TTC33: variants seen among roughly 807,000 people sequenced by gnomAD.
TTC33 encodes the protein tetratricopeptide repeat domain 33, also known as tetratricopeptide repeat protein 33.
TTC33 carries 24 observed loss-of-function variants against 29.4 expected under a neutral mutation model. That is an observed-to-expected ratio of 0.82 (90% confidence interval 0.59 to 1.15). The LOEUF is 1.15. TTC33 is among the 50% of genes most tolerant of loss of function. The probability of loss-of-function intolerance (pLI) is 0.00; values close to 1 mark genes in which losing one functional copy is unlikely to be tolerated. For synonymous variants in TTC33, 107 were observed against 100.3 expected (o/e 1.07, Z -0.40); for missense variants, 286 against 310.4 (o/e 0.92, Z 0.59).
intron 2 of TTC33, 44 bp from the exon 3 acceptor site, chr5:40,730,387 T>G (rs745433957): frequency 2.6e-6 from 4 of 1,516,036 alleles, no homozygotes; most frequent in Non-Finnish European, 3.6e-6. Flanking sequence ...TTCAATATGC[T>G]TTTTTGGACT....
At position 40,720,554 on chromosome 5, in the gene TTC33, C is replaced by T. The variant is rs1269513242; in HGVS notation, c.436-4056G>A. Among the ~76,000 whole-genome samples, 3 of 152,188 alleles carry T rather than the reference C, an allele frequency of 2.0e-5. No individual in the cohort carries two copies. In the East Asian group the frequency reaches 5.8e-4, roughly 29 times the overall value. The stretch of plus-strand genomic sequence containing the variant: ...GATAGTTTAAAATCTCCCAAGGGCA[C>T]TCCTCTTCAAAGAACTTCACAAAAC... On this transcript the variant is annotated intron_variant, in intron 4 of 4. Transcript: ENST00000337702.
At chr5:40,739,945 A>C (rs973933202) in intron 2 of TTC33, among the ~76,000 whole-genome samples, 1 of 151,936 alleles carries the variant, frequency 6.6e-6, no homozygotes, top group Non-Finnish European at 1.5e-5. Context: ...GCTTTTTTTT[A>C]AAAATAAAGT....
intron 1 of TTC33, among the ~76,000 whole-genome samples, chr5:40,749,654 C>T (rs946706113): frequency 2.6e-5 from 4 of 152,132 alleles, no homozygotes; most frequent in East Asian, 1.9e-4. Context: ...AGTTGTTGCA[C>T]GGTCAGTTCC....
At position 40,740,909 on chromosome 5, in the gene TTC33, G is replaced by A. The variant is rs72747962; in HGVS notation, c.221+5889C>T. ...CAGTATATTTTTTATTTCAGATATC[G>A]TATTTTTCATTTCTAGATGTTCCTT... On this transcript the variant is annotated intron_variant, in intron 2 of 4. Transcript: ENST00000337702. Among the ~76,000 whole-genome samples, 557 of 152,168 alleles carry A rather than the reference G, an allele frequency of 3.7e-3. 5 individuals are homozygous for A. Among genetic ancestry groups the A allele is most frequent in the Non-Finnish European group, 4.0e-3 (269 of 68,010 alleles).
chr5:40,736,151 A>G (rs1030107967), intron 2 of TTC33, among the ~76,000 whole-genome samples: 1 of 152,230 alleles, frequency 6.6e-6, no homozygotes, highest in Non-Finnish European at 1.5e-5. Flanking sequence ...TTTGATAATT[A>G]CAATGGAATG....
intron 4 of TTC33, among the ~76,000 whole-genome samples, chr5:40,724,851 G>A (rs557420057): frequency 1.6e-3 from 224 of 137,230 alleles, no homozygotes; most frequent in African/African-American, 5.8e-3. Context: ...ATTTACAAGT[G>A]GATTTTTTTT....
At chr5:40,717,005 G>T (rs1269862633) in intron 4 of TTC33, among the ~76,000 whole-genome samples, 1 of 152,018 alleles carries the variant, frequency 6.6e-6, no homozygotes, top group Non-Finnish European at 1.5e-5. Flanking sequence ...GAGGTGGGCG[G>T]ATCACCTGAG....
At chr5:40,746,439 T>C (rs115116067) in intron 2 of TTC33, among the ~76,000 whole-genome samples, 91 of 152,286 alleles carry the variant, frequency 6.0e-4, no homozygotes, top group African/African-American at 2.1e-3. Context: ...ATTTACCTGA[T>C]ACATAATGTT....
chr5:40,718,303 G>T (rs1014311914), intron 4 of TTC33, among the ~76,000 whole-genome samples: 12 of 152,156 alleles, frequency 7.9e-5, no homozygotes, highest in African/African-American at 2.9e-4. Context: ...CTACTTAGGA[G>T]GCTGAGGCAG....
At chr5:40,727,354 G>C (rs1477538969) in intron 4 of TTC33, among the ~76,000 whole-genome samples, 2 of 152,124 alleles carry the variant, frequency 1.3e-5, no homozygotes. Flanking sequence ...ACACTTGTTA[G>C]GAAGTTAAAT....
intron 2 of TTC33, among the ~76,000 whole-genome samples, chr5:40,741,999 A>G (rs1212004547): frequency 6.6e-6 from 1 of 151,982 alleles, no homozygotes; most frequent in Non-Finnish European, 1.5e-5. Flanking sequence ...CAAAAAAAAG[A>G]AAAAAAAGAA....
rs538478200 is a variant in TTC33 at position 40,734,033 on chromosome 5, T to C, written c.222-3690A>G. ...TGCTGCCAGCAGAGGCATCCCTCAA[T>C]GAAATGTGCTTTGTTGCCAACGAGG... On this transcript the variant is annotated intron_variant, in intron 2 of 4. Transcript: ENST00000337702. Among the ~76,000 whole-genome samples the C allele has an allele frequency of 2.8e-4, 42 of 152,350 alleles. No homozygotes were observed. The South Asian group carries it at 8.1e-3, about 29-fold the overall frequency.
At chr5:40,754,812 G>A (rs899377754) in intron 1 of TTC33, among the ~76,000 whole-genome samples, 1 of 152,202 alleles carries the variant, frequency 6.6e-6, no homozygotes, top group African/African-American at 2.4e-5. Context: ...AGCATGCAAA[G>A]CACTTTCTGC....
intron 4 of TTC33, among the ~76,000 whole-genome samples, chr5:40,720,899 C>A (rs571044557): frequency 6.6e-6 from 1 of 152,240 alleles, no homozygotes; most frequent in South Asian, 2.1e-4. Flanking sequence ...CCAACTTCTA[C>A]GGTGGCTACA....
chr5:40,747,164 T>C lies in TTC33; in HGVS notation c.-1-145A>G, dbSNP rs982688121. On this transcript the variant is annotated intron_variant, in intron 1 of 4. Transcript: ENST00000337702. ...ACCTCCGCCTCCCGGGTTAAGTGAT[T>C]CTCCTGCCTCAGCCTCCCGAATAGC... is the stretch of plus-strand genomic sequence containing the variant. 13 of 678,626 alleles carry C rather than the reference T, an allele frequency of 1.9e-5. No homozygotes were observed. The African/African-American group carries it at 2.2e-4, about 11-fold the overall frequency. 42.0% of individuals were successfully genotyped at this position (678,626 alleles called of 1,614,324 possible). A position where few individuals can be genotyped will look rare whatever the true frequency, so the allele number is the denominator to read the frequency against.
chr5:40,748,702 T>C (rs1742844016), intron 1 of TTC33, among the ~76,000 whole-genome samples: 2 of 152,374 alleles, frequency 1.3e-5, no homozygotes, highest in East Asian at 3.9e-4. Flanking sequence ...TGATAACTAA[T>C]GAAGTTGAAT....
intron 2 of TTC33, 138 bp from the exon 3 acceptor site, chr5:40,730,481 C>T: frequency 1.7e-6 from 1 of 589,974 alleles, no homozygotes; most frequent in Non-Finnish European, 3.0e-6. Flanking sequence ...CATTAAGTAG[C>T]ATTAAGTACA....
At chr5:40,733,274 C>T (rs1742476410) in intron 2 of TTC33, among the ~76,000 whole-genome samples, 1 of 152,070 alleles carries the variant, frequency 6.6e-6, no homozygotes, top group African/African-American at 2.4e-5. Flanking sequence ...GGCTGAAGGT[C>T]TTTGGTCTCT....
At chr5:40,746,673 A>T in intron 2 of TTC33, 125 bp downstream of exon 2, 3 of 711,908 alleles carry the variant, frequency 4.2e-6, no homozygotes, top group Non-Finnish European at 6.6e-6. Flanking sequence ...TTCTTTGATT[A>T]ATTTAGCACC....
Sources: allele counts gnomAD v4.1 joint callset (sites outside exome capture counted in the v4.1 genomes callset), GRCh38; gene constraint gnomAD v4.1.1; transcripts MANE v1.5; gene names NCBI Gene and HGNC (gene_info 2026-07-23, HGNC 2026-07-21).